AGBL1: variants seen among roughly 807,000 people sequenced by gnomAD.
AGBL1 encodes the protein cytosolic carboxypeptidase 4.
A neutral mutation model predicts 118.9 loss-of-function variants in AGBL1; 130 were observed. The observed-to-expected ratio is 1.09, with a 90% CI of 0.95 to 1.26. The LOEUF is 1.26. Among genes scored for constraint, AGBL1 ranks in the 50% most tolerant of loss-of-function variants. The pLI is 0.00. For missense variants in AGBL1, 1,584 were observed against 1,298.1 expected, an observed-to-expected ratio of 1.22 and a Z score of -3.38; for synonymous variants, 555 against 478.9, an observed-to-expected ratio of 1.16 and a Z score of -2.08.
At chr15:86,081,508 T>C (rs1895283642) in intron 1 of AGBL1, among the ~76,000 whole-genome samples, 1 of 152,356 alleles carries the variant, frequency 6.6e-6, no homozygotes, top group African/African-American at 2.4e-5. Flanking sequence ...TCAGTTGACT[T>C]GGCGTCCTTT....
At chr15:86,634,156 A>G (rs1224027539) in intron 21 of AGBL1, among the ~76,000 whole-genome samples, 1 of 152,124 alleles carries the variant, frequency 6.6e-6, no homozygotes, top group Non-Finnish European at 1.5e-5. Context: ...CAGTGTGGCA[A>G]TTCTTTAAAT....
chr15:86,106,574 C>T (rs563358274), intron 1 of AGBL1, among the ~76,000 whole-genome samples: 4 of 152,288 alleles, frequency 2.6e-5, no homozygotes, highest in African/African-American at 4.8e-5. Flanking sequence ...AAACATCTTG[C>T]GACACTTAGC....
intron 17 of AGBL1, among the ~76,000 whole-genome samples, chr15:86,365,882 A>G (rs2080879940): frequency 6.6e-6 from 1 of 151,436 alleles, no homozygotes; most frequent in South Asian, 2.1e-4. Flanking sequence ...TATCCTGACA[A>G]AAATTGATAT....
chr15:86,917,610 A>G (rs1250155219), downstream of AGBL1, among the ~76,000 whole-genome samples: 1 of 152,172 alleles, frequency 6.6e-6, no homozygotes, highest in Non-Finnish European at 1.5e-5. The surrounding 1 kb of genome is among the most constrained non-coding windows in gnomAD (Gnocchi z 4.8). Context: ...AGGCCTTGTC[A>G]TTGCGAAGCG....
At chr15:86,962,212 AT>A (rs144723877) in intron 23 of AGBL1, among the ~76,000 whole-genome samples, 9,284 of 152,198 alleles carry the variant, frequency 0.061, 439 homozygotes, top group East Asian at 0.24. Context: ...AAAGTGTTAA[AT>A]GTAAGCCTCA....
At chr15:86,597,351 G>T (rs1247036704) in intron 21 of AGBL1, among the ~76,000 whole-genome samples, 2 of 152,168 alleles carry the variant, frequency 1.3e-5, no homozygotes, top group Admixed American at 6.6e-5. Context: ...GGAACTGATG[G>T]TTCAATATTC....
chr15:86,975,781 G>C (rs1361350438), intron 23 of AGBL1, among the ~76,000 whole-genome samples: 2 of 152,102 alleles, frequency 1.3e-5, no homozygotes, highest in Non-Finnish European at 2.9e-5. Context: ...AGCATCCTCT[G>C]GGTCTTCAGA....
chr15:86,807,336 TAAC>T (rs2078730513), intron 22 of AGBL1, among the ~76,000 whole-genome samples: 1 of 152,172 alleles, frequency 6.6e-6, no homozygotes, highest in Admixed American at 6.6e-5. Context: ...GGGTTCATAA[TAAC>T]CTGTTGGAGA....
intron 22 of AGBL1, among the ~76,000 whole-genome samples, chr15:86,905,638 A>G (rs186347154): frequency 2.0e-5 from 3 of 152,332 alleles, no homozygotes; most frequent in African/African-American, 7.2e-5. Context: ...ATTCAATGCA[A>G]CTATTGAGGT....
intron 22 of AGBL1, among the ~76,000 whole-genome samples, chr15:86,698,894 T>C (rs773507704): frequency 6.6e-6 from 1 of 151,976 alleles, no homozygotes; most frequent in Admixed American, 6.6e-5. Context: ...TAAAGATTTA[T>C]TCAACGTTTT....
chr15:86,299,800 C>T (rs2079717210), intron 17 of AGBL1: 1 of 152,044 alleles, frequency 6.6e-6, no homozygotes, highest in African/African-American at 2.4e-5. Flanking sequence ...GTATACTCTT[C>T]CAGAATGGGA....
chr15:86,928,082 G>A (rs2080564430), intron 23 of AGBL1, among the ~76,000 whole-genome samples: 1 of 152,122 alleles, frequency 6.6e-6, no homozygotes, highest in Non-Finnish European at 1.5e-5. Flanking sequence ...GATAAGCTAG[G>A]CCAGTCAGAT....
At chr15:86,267,520 C>G (rs1820688443) in intron 13 of AGBL1, among the ~76,000 whole-genome samples, 1 of 152,106 alleles carries the variant, frequency 6.6e-6, no homozygotes, top group African/African-American at 2.4e-5. Flanking sequence ...TTCCTGTGTA[C>G]TTAGGTGGCA....
At chr15:86,762,652 G>A (rs1393537229) in intron 22 of AGBL1, among the ~76,000 whole-genome samples, 1 of 151,942 alleles carries the variant, frequency 6.6e-6, no homozygotes, top group African/African-American at 2.4e-5. Context: ...AGGAAATGGG[G>A]GTCAGAAGGA....
chr15:86,153,742 A>C (rs1253325065), intron 3 of AGBL1, among the ~76,000 whole-genome samples: 1 of 152,194 alleles, frequency 6.6e-6, no homozygotes, highest in East Asian at 1.9e-4. Flanking sequence ...ACTCTCTCTC[A>C]TGTAGAGAGA....
chr15:86,835,949 C>T (rs924584195), intron 22 of AGBL1, among the ~76,000 whole-genome samples: 1 of 152,184 alleles, frequency 6.6e-6, no homozygotes, highest in African/African-American at 2.4e-5. Flanking sequence ...ATCACACACA[C>T]AAAGTGAAGG....
rs1318542811 is a variant in AGBL1 at position 86,257,017 on chromosome 15, A to G, written c.900A>G (p.Glu300=). The change falls in exon 8 of 23, where the codon GAA becomes GAG. Residue 300 remains glutamate, a splice_region_variant and synonymous_variant. Transcript: ENST00000614907. ...CTGAACCTCCACATGATCTACCTGA[A>G]GGTAAAATAAGTTGGTAACTATGAC... ...ITTEPPHDLP[E]EDFEDDGDDE... is the part of the protein sequence containing the mutation. 6.2e-7 allele frequency: 1 copy of G among 1,612,860 alleles called. No individual in the cohort carries two copies. Among genetic ancestry groups the G allele is most frequent in the African/African-American group, 1.3e-5 (1 of 74,904 alleles).
chr15:86,819,173 T>C (rs903606415), intron 22 of AGBL1, among the ~76,000 whole-genome samples: 8 of 152,148 alleles, frequency 5.3e-5, no homozygotes, highest in African/African-American at 1.9e-4. Flanking sequence ...AGGGTATTTG[T>C]TTGTATGAAA....
At chr15:86,877,255 AC>A (rs1255581535) in intron 22 of AGBL1, among the ~76,000 whole-genome samples, 1 of 152,032 alleles carries the variant, frequency 6.6e-6, no homozygotes, top group Non-Finnish European at 1.5e-5. Flanking sequence ...TACTAAGAAA[AC>A]CTGAGTCATA....
Sources: gnomAD v4.1 joint callset for allele counts (sites outside exome capture counted in the v4.1 genomes callset) on GRCh38, gnomAD v4.1.1 for gene constraint, Gnocchi (gnomAD v3.1) non-coding constraint, MANE v1.5 for transcripts, NCBI Gene and HGNC (gene_info 2026-07-23, HGNC 2026-07-21) for gene names.